SVIL: variants seen among roughly 807,000 people sequenced by gnomAD.
SVIL encodes archvillin.
A neutral mutation model predicts 240.4 loss-of-function variants in SVIL; 101 were observed. The observed-to-expected ratio is 0.42, with a 90% CI of 0.36 to 0.50. The LOEUF (loss-of-function observed/expected upper bound fraction) is 0.50, where lower values mean the gene tolerates loss of function less well. Among genes scored for constraint, SVIL ranks in the 20% least tolerant of loss-of-function variants. SVIL has a pLI of 0.01. For synonymous variants in SVIL, 999 were observed against 1,100.0 expected (o/e 0.91, Z 1.82); for missense variants, 2,512 against 2,818.7 (o/e 0.89, Z 2.46).
intron 6 of SVIL, among the ~76,000 whole-genome samples, chr10:29,549,961 A>G (rs1953105556): frequency 7.1e-6 from 1 of 141,026 alleles, no homozygotes; most frequent in Non-Finnish European, 1.5e-5. Flanking sequence ...AGCATGGCAC[A>G]TGTATACATA....
intron 1 of SVIL, among the ~76,000 whole-genome samples, chr10:29,687,740 C>T (rs1961190793): frequency 1.3e-5 from 2 of 152,172 alleles, no homozygotes; most frequent in African/African-American, 2.4e-5. Context: ...TTCTACAATG[C>T]CTTCCCCCTT....
At chr10:29,498,582 T>C (rs536767712) in intron 18 of SVIL, among the ~76,000 whole-genome samples, 46 of 152,304 alleles carry the variant, frequency 3.0e-4, no homozygotes, top group African/African-American at 1.1e-3. Flanking sequence ...CCAAGAATCA[T>C]ATAAAGTTTA....
At chr10:29,474,600 A>C (rs1564472088) in intron 29 of SVIL, among the ~76,000 whole-genome samples, 1 of 43,484 alleles carries the variant, frequency 2.3e-5, no homozygotes, top group African/African-American at 6.7e-5. Context: ...CTTACAAATA[A>C]ATAAATAAAT....
chr10:29,605,096 A>G (rs1465410626), intron 1 of SVIL, among the ~76,000 whole-genome samples: 3 of 152,210 alleles, frequency 2.0e-5, no homozygotes, highest in Admixed American at 6.5e-5. Flanking sequence ...TTCATATATA[A>G]GCAGAAGTGT....
At chr10:29,686,373 T>G (rs185337296) in intron 2 of SVIL, among the ~76,000 whole-genome samples, 19 of 152,308 alleles carry the variant, frequency 1.2e-4, no homozygotes, top group Non-Finnish European at 7.3e-5. Context: ...TGGAAAAGCT[T>G]ATTTAAGAAG....
intron 18 of SVIL, among the ~76,000 whole-genome samples, chr10:29,498,128 AT>A: frequency 7.0e-6 from 1 of 143,726 alleles, no homozygotes; most frequent in African/African-American, 2.6e-5. Flanking sequence ...GAAAAAAGTA[AT>A]TATGGGGGCT....
At chr10:29,588,554 C>T (rs534796871) in intron 1 of SVIL, among the ~76,000 whole-genome samples, 15 of 152,228 alleles carry the variant, frequency 9.9e-5, no homozygotes, top group South Asian at 2.1e-4. Flanking sequence ...ATGTAAATAG[C>T]GATTGATTTT....
intron 2 of SVIL, among the ~76,000 whole-genome samples, chr10:29,565,186 A>G (rs1353282622): frequency 1.3e-5 from 2 of 152,114 alleles, no homozygotes; most frequent in African/African-American, 2.4e-5. Context: ...GTATGCCGTT[A>G]TTTTCCTCTT....
At chr10:29,650,400 A>T (rs1362782606) in intron 3 of SVIL, among the ~76,000 whole-genome samples, 6 of 152,168 alleles carry the variant, frequency 3.9e-5, no homozygotes, top group Admixed American at 3.9e-4. Flanking sequence ...ATTTTGAGAA[A>T]GTTACCACTT....
At chr10:29,492,085 G>A (rs1292009798) in intron 21 of SVIL, among the ~76,000 whole-genome samples, 1 of 152,102 alleles carries the variant, frequency 6.6e-6, no homozygotes, top group Non-Finnish European at 1.5e-5. Flanking sequence ...CCTGTCTAGC[G>A]TGTCTCCCTC....
intron 1 of SVIL, among the ~76,000 whole-genome samples, chr10:29,579,477 C>G (rs1955845957): frequency 6.6e-6 from 1 of 151,360 alleles, no homozygotes; most frequent in Non-Finnish European, 1.5e-5. Flanking sequence ...AAACAAAAAA[C>G]AAAAACGGGG....
In SVIL at chr10:29,660,553, A is replaced by T. The variant is rs181637077; in HGVS notation, c.-300-2485T>A. 2.0e-5 allele frequency among the ~76,000 whole-genome samples: 3 copies of T among 152,134 alleles called. No homozygotes were observed. In the East Asian group the frequency reaches 5.8e-4, roughly 30 times the overall value. On this transcript the variant is annotated intron_variant, in intron 2 of 35. Transcript: ENST00000375400. ...AGCCTGGGAGGTGGAGGCTGCAGTG[A>T]GCCATGGTCTCACCACTGCACTCCA...
chr10:29,696,355 G>T (rs1221707834), intron 1 of SVIL, among the ~76,000 whole-genome samples: 2 of 152,122 alleles, frequency 1.3e-5, no homozygotes, highest in African/African-American at 4.8e-5. Context: ...GGAGATTGCA[G>T]CCCCTGCCCG....
intron 35 of SVIL, among the ~76,000 whole-genome samples, chr10:29,462,785 A>G (rs1944416384): frequency 6.6e-6 from 1 of 152,222 alleles, no homozygotes; most frequent in South Asian, 2.1e-4. Context: ...GGCGAACGAC[A>G]GCATCTTATA....
chr10:29,502,259 C>G (rs763857117), intron 17 of SVIL, among the ~76,000 whole-genome samples: 14 of 152,088 alleles, frequency 9.2e-5, no homozygotes, highest in Non-Finnish European at 1.8e-4. Flanking sequence ...TTACGTGGCT[C>G]TAGAAGGGTG....
chr10:29,725,028 CAAAAAAAAAAAA>C (rs1187861054), intron 1 of SVIL, among the ~76,000 whole-genome samples: 4 of 40,922 alleles, frequency 9.8e-5, no homozygotes, highest in East Asian at 9.9e-4. Context: ...GACCCGGTCT[CAAAAAAAAAAAA>C]AAAAAAAAAA....
intron 2 of SVIL, among the ~76,000 whole-genome samples, chr10:29,568,190 G>A (rs71489684): frequency 0.084 from 12,714 of 151,780 alleles, 601 homozygotes; most frequent in Admixed American, 0.13. Context: ...AATTAACCTT[G>A]TACTTAGATG....
In SVIL at chr10:29,536,018, G is replaced by A; in HGVS notation, c.879C>T (p.Asp293=). Residue 293 remains aspartate (D), a synonymous_variant, in exon 7 of 38, where the codon GAC becomes GAT. Transcript: ENST00000355867. ...AAGGCCAGTTGATAAGTGAAGGTGT[G>A]TCCCCTTCGGAATCTTTCTGGAGAA... ...EWFLQKDSEG[D]TPSLINWPSR... is the part of the protein sequence containing the mutation. The A allele has an allele frequency of 6.2e-7, 1 of 1,614,240 alleles. No homozygotes were observed. The highest frequency in any genetic ancestry group is 8.5e-7 in the Non-Finnish European group (1 of 1,180,042).
intron 22 of SVIL, among the ~76,000 whole-genome samples, chr10:29,489,226 T>G (rs1947724705): frequency 6.6e-6 from 1 of 152,268 alleles, no homozygotes; most frequent in African/African-American, 2.4e-5. Flanking sequence ...AATCTTTATC[T>G]GAAGGCAAAG....
Sources: allele counts gnomAD v4.1 joint callset (sites outside exome capture counted in the v4.1 genomes callset), GRCh38; gene constraint gnomAD v4.1.1; transcripts MANE v1.5; gene names NCBI Gene and HGNC (gene_info 2026-07-23, HGNC 2026-07-21).